OR1M1: variants seen among roughly 807,000 people sequenced by gnomAD.
OR1M1 encodes the protein olfactory receptor 1M1.
For missense variants in OR1M1, 397 were observed against 401.8 expected (o/e 0.99, Z 0.10); for synonymous variants, 157 against 165.5 (o/e 0.95, Z 0.39).
intron 1 of OR1M1, among the ~76,000 whole-genome samples, chr19:9,089,229 G>C (rs1027480797): frequency 1.3e-5 from 2 of 151,906 alleles, no homozygotes; most frequent in African/African-American, 4.8e-5. Flanking sequence ...AGTATCCTCT[G>C]TTCTTTTTAC....
Position 9,094,036 on chromosome 19 carries a change from G to A in OR1M1, c.792G>A (p.Ser264=), listed in dbSNP as rs371238081. 4.1e-5 allele frequency: 66 copies of A among 1,613,772 alleles called. No homozygotes were observed. Among genetic ancestry groups the A allele is most frequent in the African/African-American group, 1.6e-4 (12 of 74,818 alleles). The change falls in exon 2 of 2, where the codon TCG becomes TCA. Residue 264 remains serine, a synonymous_variant. Transcript: ENST00000641627. ...TTIGVYLCPS[S]VLTTVKEKAS... ...TTGGCGTCTATCTGTGTCCCTCCTC[G>A]GTCCTCACCACTGTGAAGGAGAAAG...
chr19:9,092,837 G>T (rs1434645687), intron 1 of OR1M1, among the ~76,000 whole-genome samples: 1 of 151,482 alleles, frequency 6.6e-6, no homozygotes, highest in African/African-American at 2.4e-5. Flanking sequence ...GGAGGCAGAG[G>T]TTGCAGTGAG....
At chr19:9,091,715 A>T (rs1207358510) in intron 1 of OR1M1, among the ~76,000 whole-genome samples, 4 of 152,128 alleles carry the variant, frequency 2.6e-5, no homozygotes, top group South Asian at 4.1e-4. Flanking sequence ...TGTAACACTC[A>T]TTGATGGATT....
In OR1M1 at chr19:9,093,514, G is replaced by A. The variant is rs190108410; in HGVS notation, c.270G>A (p.Lys90=). Residue 90 remains lysine (K), a synonymous_variant, in exon 2 of 2, where the codon AAG becomes AAA. Transcript: ENST00000641627. Reference sequence around the variant, plus strand: ...TGGTGAGCCTTCAAACCGGGAGCAAGGCCATCTCTTATCCCTGCTGCCTGA... The same window carrying A: ...TGGTGAGCCTTCAAACCGGGAGCAAAGCCATCTCTTATCCCTGCTGCCTGA... ...KMLVSLQTGS[K]AISYPCCLIQ... The A allele has an allele frequency of 1.9e-6, 3 of 1,614,134 alleles. No individual in the cohort carries two copies. In the South Asian group the frequency reaches 3.3e-5, roughly 18 times the overall value.
chr19:9,092,843 G>C (rs563098494), intron 1 of OR1M1, among the ~76,000 whole-genome samples: 2 of 151,504 alleles, frequency 1.3e-5, no homozygotes, highest in African/African-American at 4.9e-5. Context: ...AGAGGTTGCA[G>C]TGAGCAGAGA....
chr19:9,093,641 G>A lies in OR1M1; in HGVS notation c.397G>A (p.Ala133Thr), dbSNP rs754863155. Residue 133 changes from alanine (A) to threonine (T), a missense_variant, in exon 2 of 2, where the codon GCC becomes ACC. By Grantham distance (58) the Ala-to-Thr change is moderately conservative. Transcript: ENST00000641627. ...GGCCATCTGCCACCCATTGCACTAC[G>A]CCAAGATCATGAGCCTACGCCTCTG... ...FVAICHPLHY[A>T]KIMSLRLCRL... 59 of 1,613,940 alleles carry A rather than the reference G, an allele frequency of 3.7e-5. No homozygotes were observed. Among genetic ancestry groups the A allele is most frequent in the Admixed American group, 3.3e-4 (20 of 59,988 alleles).
At chr19:9,093,109 C>CACACATAT (rs572607972) in intron 1 of OR1M1, 123 bp from the exon 2 acceptor site, 56 of 492,314 alleles carry the variant, frequency 1.1e-4, no homozygotes, top group Middle Eastern at 8.5e-4. Context: ...CACACACACA[C>CACACATAT]ATATATATAT....
chr19:9,090,470 T>C (rs1214669213), intron 1 of OR1M1, among the ~76,000 whole-genome samples: 2 of 152,068 alleles, frequency 1.3e-5, no homozygotes, highest in Non-Finnish European at 2.9e-5. Context: ...GGATTGTTTC[T>C]TTTTTTTGAG....
Position 9,093,747 on chromosome 19 carries a change from T to C in OR1M1, c.503T>C (p.Phe168Ser), listed in dbSNP as rs1308681023. The change falls in exon 2 of 2, where the codon TTC (phenylalanine) becomes TCC (serine). Residue 168 changes from phenylalanine to serine, a missense_variant. Physicochemically the swap from Phe to Ser is radical, Grantham distance 155 (BLOSUM62 -2). Coordinates refer to ENST00000641627, the MANE Select transcript of OR1M1 (RefSeq NM_001004456.2). ...ATCCTCCTGATGGCCCGTCTCGTTT[T>C]CTGCGGCAGCCATGAGGTGCCTCAC... ...THILLMARLVFCGSHEVPHYF... is the reference protein window; with the variant it reads ...THILLMARLVSCGSHEVPHYF... 1 of 1,614,058 alleles carries C rather than the reference T, an allele frequency of 6.2e-7. No homozygotes were observed. Among genetic ancestry groups the C allele is most frequent in the East Asian group, 2.2e-5 (1 of 44,872 alleles).
rs748541045 is a variant in OR1M1, at chr19:9,093,720, A to C, written c.476A>C (p.His159Pro). 2.2e-5 allele frequency: 35 copies of C among 1,613,664 alleles called. No homozygotes were observed. The highest frequency in any genetic ancestry group is 2.4e-5 in the Non-Finnish European group (28 of 1,179,986). The part of the protein sequence containing the change: ...WAFSCFISLT[H>P]ILLMARLVFC... ...TTTTCCTGCTTCATCTCACTCACTCACATCCTCCTGATGGCCCGTCTCGTT... is the reference window on the plus strand; with the variant it reads ...TTTTCCTGCTTCATCTCACTCACTCCCATCCTCCTGATGGCCCGTCTCGTT... Residue 159 changes from histidine (H) to proline (P), a missense_variant, in exon 2 of 2, where the codon CAC (histidine) becomes CCC (proline). Coordinates refer to ENST00000641627, the MANE Select transcript of OR1M1 (RefSeq NM_001004456.2).
In OR1M1 at chr19:9,093,276, A is replaced by G. The variant is rs755415564; in HGVS notation, c.32A>G (p.Gln11Arg). 1.2e-6 allele frequency: 2 copies of G among 1,612,100 alleles called. No homozygotes were observed. Among genetic ancestry groups the G allele is most frequent in the Non-Finnish European group, 1.7e-6 (2 of 1,178,980 alleles). The change falls in exon 2 of 2, where the codon CAA (glutamine) becomes CGA (arginine). Residue 11 changes from glutamine (Q) to arginine (R), a missense_variant. Transcript: ENST00000641627. ...CCAAGAAACCAAACCAGTGCATCTC[A>G]ATTCATCCTCCTGGGACTCTCAGAA... MEPRNQTSAS[Q>R]FILLGLSEKP...
Position 9,093,885 on chromosome 19 carries a change from TC to T in OR1M1, c.643del (p.Leu215TrpfsTer12), listed in dbSNP as rs756156018. ...GMVIATPFVC[I>X]LASYARILVA... ...GTGATAGCCACGCCCTTTGTCTGCA[TC>T]CTGGCCTCCTATGCTCGCATCCTTG... On this transcript the variant is annotated frameshift_variant, in exon 2 of 2. Coordinates refer to ENST00000641627, the MANE Select transcript of OR1M1 (RefSeq NM_001004456.2). LOFTEE classifies it low-confidence loss of function (END_TRUNC). 1.2e-5 allele frequency: 20 copies of T among 1,614,086 alleles called. No homozygotes were observed. Among genetic ancestry groups the T allele is most frequent in the Non-Finnish European group, 1.6e-5 (19 of 1,180,050 alleles).
At position 9,089,694 on chromosome 19, in the gene OR1M1, G is replaced by T. The variant is rs554813392; in HGVS notation, c.-14+2537G>T. Among the ~76,000 whole-genome samples, 6 of 152,196 alleles carry T rather than the reference G, an allele frequency of 3.9e-5. No homozygotes were observed. The East Asian group carries it at 1.2e-3, about 29-fold the overall frequency. On this transcript the variant is annotated intron_variant, in intron 1 of 1. Coordinates refer to ENST00000641627, the MANE Select transcript of OR1M1 (RefSeq NM_001004456.2). ...CCTGTCTCAGCCTCCCAAAGTGCTG[G>T]GATTACAGGTGTGAGCCACTGTGCC...
At chr19:9,091,060 G>A (rs896917795) in intron 1 of OR1M1, among the ~76,000 whole-genome samples, 5 of 151,884 alleles carry the variant, frequency 3.3e-5, no homozygotes, top group Admixed American at 6.6e-5. Flanking sequence ...CCAGCTACTC[G>A]GGAGTCTGAG....
At position 9,088,660 on chromosome 19, in the gene OR1M1, C is replaced by T. The variant is rs191671416; in HGVS notation, c.-14+1503C>T. ...CAGCACTTTGGAAGGCCGAGGCGGG[C>T]GGATCACCTGTGGTCAGGAGTTCAA... is the stretch of plus-strand genomic sequence containing the variant. On this transcript the variant is annotated intron_variant, in intron 1 of 1. Coordinates refer to ENST00000641627, the MANE Select transcript of OR1M1 (RefSeq NM_001004456.2). Among the ~76,000 whole-genome samples, 399 of 152,132 alleles carry T rather than the reference C, an allele frequency of 2.6e-3. 3 individuals carry two copies. Among genetic ancestry groups the T allele is most frequent in the African/African-American group, 9.3e-3 (386 of 41,512 alleles).
intron 1 of OR1M1, among the ~76,000 whole-genome samples, chr19:9,091,535 T>C (rs1186078846): frequency 6.6e-6 from 1 of 152,082 alleles, no homozygotes; most frequent in Non-Finnish European, 1.5e-5. Flanking sequence ...GGCGTGCTCC[T>C]GTAATCCCAG....
intron 1 of OR1M1, among the ~76,000 whole-genome samples, chr19:9,091,372 T>C (rs1029470810): frequency 6.6e-6 from 1 of 152,020 alleles, no homozygotes; most frequent in African/African-American, 2.4e-5. Context: ...TTGTTTATTT[T>C]AATTCCAATT....
At chr19:9,090,967 C>T (rs1217858942) in intron 1 of OR1M1, among the ~76,000 whole-genome samples, 2 of 151,612 alleles carry the variant, frequency 1.3e-5, no homozygotes, top group African/African-American at 4.8e-5. Flanking sequence ...GAGATCAAGA[C>T]CATCCTGGCT....
At chr19:9,091,765 T>C (rs2145904116) in intron 1 of OR1M1, among the ~76,000 whole-genome samples, 1 of 152,094 alleles carries the variant, frequency 6.6e-6, no homozygotes, top group African/African-American at 2.4e-5. Flanking sequence ...AGACTGAAAA[T>C]TTCAAACACA....
Sources: gnomAD v4.1 joint callset for allele counts (sites outside exome capture counted in the v4.1 genomes callset) on GRCh38, gnomAD v4.1.1 for gene constraint, MANE v1.5 for transcripts, NCBI Gene and HGNC (gene_info 2026-07-23, HGNC 2026-07-21) for gene names.